The following TMEM132D variants were observed in gnomAD, a reference collection of about 807,000 sequenced individuals.
The protein encoded by TMEM132D is transmembrane protein 132D, also known as mature OL transmembrane protein.
TMEM132D carries 21 observed loss-of-function variants against 62.3 expected under a neutral mutation model. The observed-to-expected ratio is 0.34, with a 90% CI of 0.24 to 0.49. The LOEUF is 0.49. Among genes scored for constraint, TMEM132D ranks in the 20% least tolerant of loss-of-function variants. TMEM132D has a pLI of 0.99. For missense variants in TMEM132D, 1,346 were observed against 1,402.8 expected, an observed-to-expected ratio of 0.96 and a Z score of 0.65; for synonymous variants, 621 against 575.6, an observed-to-expected ratio of 1.08 and a Z score of -1.13.
chr12:129,890,952 G>A (rs1874902981), intron 1 of TMEM132D, among the ~76,000 whole-genome samples: 1 of 152,102 alleles, frequency 6.6e-6, no homozygotes, highest in Non-Finnish European at 1.5e-5. Context: ...AAGGCAGCAG[G>A]GGCCTCCCGA....
intron 2 of TMEM132D, among the ~76,000 whole-genome samples, chr12:129,550,111 T>G (rs1381735175): frequency 6.6e-6 from 1 of 152,212 alleles, no homozygotes; most frequent in African/African-American, 2.4e-5. Context: ...TTGACCTGGT[T>G]GTCATGAGAA....
At chr12:129,621,032 C>T (rs1446915420) in intron 2 of TMEM132D, among the ~76,000 whole-genome samples, 1 of 152,172 alleles carries the variant, frequency 6.6e-6, no homozygotes. Context: ...TGCCCAGATC[C>T]AAGCCCGCAG....
At chr12:129,422,998 C>T (rs948709613) in intron 3 of TMEM132D, among the ~76,000 whole-genome samples, 17 of 151,738 alleles carry the variant, frequency 1.1e-4, no homozygotes, top group African/African-American at 4.1e-4. Flanking sequence ...TGGCTGTCTA[C>T]AACCAGTGAC....
chr12:129,283,658 C>A (rs1881219439), intron 4 of TMEM132D, among the ~76,000 whole-genome samples: 1 of 152,134 alleles, frequency 6.6e-6, no homozygotes. Context: ...GGAGACAGGG[C>A]AGGTGAGGCA....
At chr12:129,817,591 T>C (rs1335990518) in intron 1 of TMEM132D, among the ~76,000 whole-genome samples, 1 of 46,720 alleles carries the variant, frequency 2.1e-5, no homozygotes, top group Non-Finnish European at 6.6e-5. Flanking sequence ...AAAGATAAGA[T>C]GGTGTGTGTG....
intron 1 of TMEM132D, among the ~76,000 whole-genome samples, chr12:129,894,628 G>A (rs1356638970): frequency 6.6e-6 from 1 of 152,186 alleles, no homozygotes; most frequent in Non-Finnish European, 1.5e-5. Flanking sequence ...CATCCATAAT[G>A]ATAAAACTAT....
chr12:129,893,314 C>T lies in TMEM132D; in HGVS notation c.79+9947G>A, dbSNP rs554647600. Among the ~76,000 whole-genome samples the T allele has an allele frequency of 1.7e-3, 254 of 152,180 alleles. 2 individuals carry two copies. Among genetic ancestry groups the T allele is most frequent in the African/African-American group, 5.9e-3 (246 of 41,506 alleles). ...GTGAATGAAAGTACAACATTTAGAA[C>T]CCTGCCTTGCCTAAATGAGCATTCG... On this transcript the variant is annotated intron_variant, in intron 1 of 8. Transcript: ENST00000422113.
At chr12:129,826,523 G>A (rs186229886) in intron 1 of TMEM132D, among the ~76,000 whole-genome samples, 1 of 152,186 alleles carries the variant, frequency 6.6e-6, no homozygotes, top group African/African-American at 2.4e-5. Context: ...TTGCTCCTGG[G>A]ACACAAGAGT....
intron 2 of TMEM132D, among the ~76,000 whole-genome samples, chr12:129,636,737 T>TGTGTGTGTGAGAGAGAGAGA (rs375868329): frequency 8.8e-5 from 10 of 113,562 alleles, no homozygotes; most frequent in African/African-American, 3.3e-4. Flanking sequence ...TGTGTGTGTG[T>TGTGTGTGTGAGAGAGAGAGA]GAGAGAGAGA....
chr12:129,101,650 G>C (rs1028837133), intron 5 of TMEM132D, among the ~76,000 whole-genome samples: 1 of 152,186 alleles, frequency 6.6e-6, no homozygotes, highest in Non-Finnish European at 1.5e-5. Flanking sequence ...GGGTTTGGAG[G>C]CAGGCTTTCT....
intron 3 of TMEM132D, among the ~76,000 whole-genome samples, chr12:129,414,306 C>T (rs1195315637): frequency 6.6e-6 from 1 of 152,182 alleles, no homozygotes; most frequent in East Asian, 1.9e-4. Context: ...ACATAAGATG[C>T]ATTCAATAAC....
At chr12:129,885,125 G>C (rs1342587461) in intron 1 of TMEM132D, among the ~76,000 whole-genome samples, 1 of 152,170 alleles carries the variant, frequency 6.6e-6, no homozygotes, top group Admixed American at 6.5e-5. Flanking sequence ...GAAAAAGAGA[G>C]GGGCCCATTA....
chr12:129,344,718 A>G (rs939846344), intron 3 of TMEM132D, among the ~76,000 whole-genome samples: 9 of 151,988 alleles, frequency 5.9e-5, no homozygotes. Flanking sequence ...GCATGAATCA[A>G]TTTCTTGGTT....
chr12:129,247,422 T>C (rs748128326), intron 4 of TMEM132D, among the ~76,000 whole-genome samples: 1 of 152,188 alleles, frequency 6.6e-6, no homozygotes, highest in Non-Finnish European at 1.5e-5. Flanking sequence ...ACAGTCTATC[T>C]ACCGTGGGAA....
intron 1 of TMEM132D, among the ~76,000 whole-genome samples, chr12:129,860,054 T>C (rs1259806552): frequency 2.6e-5 from 4 of 152,190 alleles, no homozygotes; most frequent in Non-Finnish European, 5.9e-5. Flanking sequence ...TTATACTTTC[T>C]CATGGAAATT....
intron 3 of TMEM132D, among the ~76,000 whole-genome samples, chr12:129,518,572 C>A (rs948960103): frequency 4.5e-5 from 4 of 89,410 alleles, no homozygotes; most frequent in Non-Finnish European, 1.3e-4. Flanking sequence ...TATATACACA[C>A]ACACACACAT....
At chr12:129,138,568 A>G (rs928468544) in intron 5 of TMEM132D, among the ~76,000 whole-genome samples, 1 of 152,094 alleles carries the variant, frequency 6.6e-6, no homozygotes, top group African/African-American at 2.4e-5. Context: ...TAAAAATACA[A>G]AAATTAGCCG....
At chr12:129,279,842 A>C (rs1881094556) in intron 4 of TMEM132D, among the ~76,000 whole-genome samples, 1 of 152,232 alleles carries the variant, frequency 6.6e-6, no homozygotes, top group Admixed American at 6.5e-5. Context: ...AAATGACATG[A>C]CTTCATAAAG....
At chr12:129,515,786 C>G (rs1397761508) in intron 3 of TMEM132D, among the ~76,000 whole-genome samples, 1 of 152,236 alleles carries the variant, frequency 6.6e-6, no homozygotes, top group Non-Finnish European at 1.5e-5. Context: ...GTCCAATCAC[C>G]TTTCTATGTA....
Sources: allele counts gnomAD v4.1 joint callset (sites outside exome capture counted in the v4.1 genomes callset), GRCh38; gene constraint gnomAD v4.1.1; transcripts MANE v1.5; gene names NCBI Gene and HGNC (gene_info 2026-07-23, HGNC 2026-07-21).